MAP3K19: variants seen among roughly 807,000 people sequenced by gnomAD.
MAP3K19 encodes SPS1/STE20-related protein kinase YSK4.
A neutral mutation model predicts 114.4 loss-of-function variants in MAP3K19; 91 were observed. That is an observed-to-expected ratio of 0.80 (90% CI 0.67 to 0.95). The LOEUF (loss-of-function observed/expected upper bound fraction) is 0.95, where lower values mean the gene tolerates loss of function less well. Ranked by LOEUF, MAP3K19 falls within the 40% of genes least tolerant of loss-of-function variation. MAP3K19 has a pLI of 0.00. For missense variants in MAP3K19, 1,471 were observed against 1,573.2 expected (o/e 0.94, Z 1.10); for synonymous variants, 518 against 530.5 (o/e 0.98, Z 0.32).
chr2:135,019,778 T>C (rs542701362), intron 5 of MAP3K19, among the ~76,000 whole-genome samples: 1 of 152,284 alleles, frequency 6.6e-6, no homozygotes, highest in East Asian at 1.9e-4. Context: ...ACAGTGCAAA[T>C]TGCATCTCCA....
intron 8 of MAP3K19, among the ~76,000 whole-genome samples, chr2:134,997,076 CAAAA>C (rs1240953417): frequency 1.3e-5 from 2 of 151,816 alleles, no homozygotes; most frequent in Non-Finnish European, 2.9e-5. Context: ...AACAAACAAA[CAAAA>C]AACAAAAAAA....
chr2:135,035,256 G>A (rs768478482), intron 2 of MAP3K19, among the ~76,000 whole-genome samples: 9 of 152,106 alleles, frequency 5.9e-5, no homozygotes, highest in Non-Finnish European at 1.2e-4. Flanking sequence ...AATTAGCTGG[G>A]CATGATGGCA....
chr2:134,979,995 A>G (rs1559141898), intron 12 of MAP3K19, among the ~76,000 whole-genome samples: 1 of 152,186 alleles, frequency 6.6e-6, no homozygotes, highest in South Asian at 2.1e-4. Flanking sequence ...TCATCTAGGG[A>G]TAAGAAGGCA....
intron 5 of MAP3K19, among the ~76,000 whole-genome samples, chr2:135,011,453 C>T (rs967751829): frequency 2.7e-5 from 4 of 149,250 alleles, no homozygotes; most frequent in East Asian, 2.0e-4. Context: ...AGGAGAATGG[C>T]GTGAACCCGG....
At chr2:135,012,273 G>A (rs1319991373) in intron 5 of MAP3K19, among the ~76,000 whole-genome samples, 1 of 143,656 alleles carries the variant, frequency 7.0e-6, no homozygotes, top group Non-Finnish European at 1.5e-5. Context: ...CCCTAGTGAT[G>A]ATACCAGAAA....
intron 8 of MAP3K19, among the ~76,000 whole-genome samples, chr2:134,995,144 G>A (rs777261764): frequency 5.9e-5 from 9 of 151,894 alleles, no homozygotes; most frequent in African/African-American, 9.7e-5. Context: ...AGACCCCATC[G>A]CTACCAAAGA....
At chr2:135,039,089 G>A (rs1688593448) in intron 2 of MAP3K19, among the ~76,000 whole-genome samples, 1 of 150,616 alleles carries the variant, frequency 6.6e-6, no homozygotes, top group Admixed American at 6.6e-5. Context: ...CCTGGGTGTT[G>A]GGTACACAGG....
chr2:135,003,283 G>A (rs928051221), intron 6 of MAP3K19, among the ~76,000 whole-genome samples: 3 of 152,146 alleles, frequency 2.0e-5, no homozygotes, highest in Non-Finnish European at 2.9e-5. Flanking sequence ...AGTGGACTAA[G>A]AAAGTTCCTC....
chr2:134,998,158 T>C (rs866796374), intron 8 of MAP3K19, among the ~76,000 whole-genome samples: 2 of 152,156 alleles, frequency 1.3e-5, no homozygotes, highest in South Asian at 4.1e-4. Flanking sequence ...GCACATTAAC[T>C]TGGGGATCCA....
intron 6 of MAP3K19, among the ~76,000 whole-genome samples, chr2:135,004,452 C>A (rs1339461954): frequency 6.6e-6 from 1 of 152,178 alleles, no homozygotes; most frequent in African/African-American, 2.4e-5. Context: ...CGCACCACCT[C>A]CCGGAGGAGA....
Position 134,987,533 on chromosome 2 carries a change from C to G in MAP3K19, c.1339G>C (p.Val447Leu). The G allele has an allele frequency of 6.2e-7, 1 of 1,614,196 alleles. No individual in the cohort carries two copies. Among genetic ancestry groups the G allele is most frequent in the Non-Finnish European group, 8.5e-7 (1 of 1,180,044 alleles). The change falls in exon 10 of 13, where the codon GTC becomes CTC. Residue 447 changes from valine to leucine, a missense_variant. Val to Leu is a conservative substitution (Grantham distance 32). Coordinates refer to ENST00000392915, the MANE Select transcript of MAP3K19 (RefSeq NM_025052.5). Reference sequence around the variant, plus strand: ...AGTTTATCAATGGGGTCATCAAAGACTACACTGGATAAGCTTTTAAGTACA... The same window carrying G: ...AGTTTATCAATGGGGTCATCAAAGAGTACACTGGATAAGCTTTTAAGTACA... Reference protein sequence around the residue: ...CTVLKSLSSVVFDDPIDKLPE... With the variant: ...CTVLKSLSSVLFDDPIDKLPE...
rs765373591 is a variant in MAP3K19 at position 134,998,999 on chromosome 2, T to C, written c.315-2A>G. 5.0e-6 allele frequency: 8 copies of C among 1,607,204 alleles called. No individual in the cohort carries two copies. In the South Asian group the frequency reaches 6.7e-5, roughly 13 times the overall value. ...TCTTGAAGCGATGAGTTTATCAGAC[T>C]AAAGGGGGAGGGAAATGTTTGATTT... On this transcript the variant is annotated splice_acceptor_variant, in intron 7 of 12. Coordinates refer to ENST00000392915, the MANE Select transcript of MAP3K19 (RefSeq NM_025052.5). LOFTEE classifies it high-confidence loss of function.
At chr2:135,024,827 C>A in intron 3 of MAP3K19, 86 bp from the exon 4 acceptor site, 2 of 558,016 alleles carry the variant, frequency 3.6e-6, no homozygotes, top group Non-Finnish European at 6.3e-6. Flanking sequence ...ACATTTACAT[C>A]AAATAAATAA....
intron 2 of MAP3K19, among the ~76,000 whole-genome samples, chr2:135,032,199 A>T (rs2104786310): frequency 6.6e-6 from 1 of 152,144 alleles, no homozygotes; most frequent in African/African-American, 2.4e-5. Context: ...TCTACTAAAA[A>T]TACAAAAATT....
intron 8 of MAP3K19, among the ~76,000 whole-genome samples, chr2:134,992,864 A>G (rs1685683834): frequency 6.6e-6 from 1 of 151,724 alleles, no homozygotes; most frequent in East Asian, 1.9e-4. Context: ...ATTTTTTAGT[A>G]GACACGGGGT....
intron 11 of MAP3K19, among the ~76,000 whole-genome samples, chr2:134,982,356 T>C (rs1409720338): frequency 1.4e-5 from 2 of 148,096 alleles, no homozygotes; most frequent in Admixed American, 6.7e-5. Flanking sequence ...TTTTTTCTTT[T>C]TTTTTTTTTT....
intron 5 of MAP3K19, among the ~76,000 whole-genome samples, chr2:135,016,114 G>A (rs927137642): frequency 4.6e-5 from 7 of 152,056 alleles, no homozygotes; most frequent in Non-Finnish European, 7.4e-5. Context: ...AAAATTATCC[G>A]GGAATGGTGG....
At position 135,024,737 on chromosome 2, in the gene MAP3K19, G is replaced by T; in HGVS notation, c.-90C>A. The T allele has an allele frequency of 1.8e-6, 2 of 1,119,278 alleles. No homozygotes were observed. The highest frequency in any genetic ancestry group is 2.7e-6 in the Non-Finnish European group (2 of 744,848). 69.3% of individuals were successfully genotyped at this position (1,119,278 alleles called of 1,614,324 possible). A position where few individuals can be genotyped will look rare whatever the true frequency, so the allele number is the denominator to read the frequency against. ...TTTCCACTAAAATCACAAAGTTTAG[G>T]ATCTCTAGGAAGAACAGAATCAACA... On this transcript the variant is annotated 5_prime_UTR_variant, in exon 4 of 13. Coordinates refer to ENST00000392915, the MANE Select transcript of MAP3K19 (RefSeq NM_025052.5).
intron 12 of MAP3K19, among the ~76,000 whole-genome samples, chr2:134,978,110 G>T (rs1289387161): frequency 6.6e-6 from 1 of 151,834 alleles, no homozygotes; most frequent in East Asian, 1.9e-4. Context: ...ATTTCTGTTA[G>T]CTTCCATTGT....
Sources: gnomAD v4.1 joint callset for allele counts (sites outside exome capture counted in the v4.1 genomes callset) on GRCh38, gnomAD v4.1.1 for gene constraint, MANE v1.5 for transcripts, NCBI Gene and HGNC (gene_info 2026-07-23, HGNC 2026-07-21) for gene names.